PRKCZ: variants seen among roughly 807,000 people sequenced by gnomAD.
The protein encoded by PRKCZ is protein kinase C zeta type.
PRKCZ carries 33 observed loss-of-function variants against 79.5 expected under a neutral mutation model. The observed-to-expected ratio is 0.41, with a 90% CI of 0.31 to 0.55. The LOEUF is 0.55. Among genes scored for constraint, PRKCZ ranks in the 20% least tolerant of loss-of-function variants. The pLI is 0.19. For synonymous variants in PRKCZ, 342 were observed against 320.9 expected (o/e 1.07, Z -0.70); for missense variants, 578 against 813.5 (o/e 0.71, Z 3.52).
chr1:2,102,199 C>T (rs1012824204), intron 4 of PRKCZ, among the ~76,000 whole-genome samples: 3 of 151,494 alleles, frequency 2.0e-5, no homozygotes, highest in African/African-American at 4.8e-5. Context: ...CCCCGACCTC[C>T]ACACCAGTTC....
chr1:2,142,609 G>A (rs1190090303), intron 5 of PRKCZ: 2 of 223,412 alleles, frequency 9.0e-6, no homozygotes, highest in South Asian at 4.7e-5. Context: ...TAGAGCCCAC[G>A]GTCCTGGTGT....
intron 4 of PRKCZ, among the ~76,000 whole-genome samples, chr1:2,101,915 G>A (rs1057285904): frequency 1.3e-5 from 2 of 152,228 alleles, no homozygotes; most frequent in Non-Finnish European, 2.9e-5. Context: ...TAACAGATAT[G>A]TAGCAGATAT....
chr1:2,185,135 C>T lies in PRKCZ; in HGVS notation c.*126C>T, dbSNP rs1330746355. On this transcript the variant is annotated 3_prime_UTR_variant, in exon 18 of 18. Transcript: ENST00000378567. ...CCAGGGACAGACGCTTGCGCCGAGA[C>T]CGCAGAGGGAAGCGTCAGCGGGCGC... 13 of 933,182 alleles carry T rather than the reference C, an allele frequency of 1.4e-5. No individual in the cohort carries two copies. The highest frequency in any genetic ancestry group is 5.3e-5 in the East Asian group (2 of 38,090). 57.8% of individuals were successfully genotyped at this position (933,182 alleles called of 1,614,324 possible).
Position 2,171,972 on chromosome 1 carries a change from G to A in PRKCZ, c.1062-83G>A, listed in dbSNP as rs539452215. ...ATGCCGGGCCCGTGGTGGGGCAAAC[G>A]GGAGTGTGTGGCCCCCAGGCTGGAG... is the stretch of plus-strand genomic sequence containing the variant. On this transcript the variant is annotated intron_variant, in intron 11 of 17. Coordinates refer to ENST00000378567, the MANE Select transcript of PRKCZ (RefSeq NM_002744.6). The A allele has an allele frequency of 2.1e-5, 31 of 1,485,350 alleles. No homozygotes were observed. In the South Asian group the frequency reaches 2.1e-4, roughly 10 times the overall value. 92.0% of individuals were successfully genotyped at this position (1,485,350 alleles called of 1,614,324 possible). A position where few individuals can be genotyped will look rare whatever the true frequency, so the allele number is the denominator to read the frequency against.
intron 9 of PRKCZ, among the ~76,000 whole-genome samples, chr1:2,154,311 C>T (rs192656110): frequency 1.3e-5 from 2 of 152,184 alleles, no homozygotes; most frequent in Admixed American, 1.3e-4. Context: ...CAGGGAGAGG[C>T]CGGGCTGGGA....
At chr1:2,153,147 T>C (rs956672634) in intron 9 of PRKCZ, among the ~76,000 whole-genome samples, 19 of 152,336 alleles carry the variant, frequency 1.2e-4, no homozygotes, top group Admixed American at 1.1e-3. Context: ...CGCGTGTGAT[T>C]GTGATGATCG....
intron 3 of PRKCZ, among the ~76,000 whole-genome samples, chr1:2,058,446 C>T (rs182678837): frequency 1.4e-3 from 209 of 151,966 alleles, no homozygotes; most frequent in African/African-American, 4.8e-3. Flanking sequence ...CCACTGCACT[C>T]TAGCCTGAGT....
At chr1:2,089,358 TC>T (rs1423720541) in intron 4 of PRKCZ, among the ~76,000 whole-genome samples, 1 of 152,170 alleles carries the variant, frequency 6.6e-6, no homozygotes, top group Non-Finnish European at 1.5e-5. Context: ...GACAGAGACT[TC>T]CAGGAGGCAG....
intron 4 of PRKCZ, among the ~76,000 whole-genome samples, chr1:2,070,703 G>A (rs1661494275): frequency 6.6e-6 from 1 of 151,718 alleles, no homozygotes; most frequent in Non-Finnish European, 1.5e-5. Context: ...GGCCGTGGAG[G>A]GGCCCTTCCT....
At chr1:2,169,834 C>T (rs1248296059) in intron 11 of PRKCZ, among the ~76,000 whole-genome samples, 4 of 150,934 alleles carry the variant, frequency 2.7e-5, no homozygotes, top group African/African-American at 9.8e-5. Context: ...GGCCGGGGAC[C>T]TTCTCCAGGG....
intron 11 of PRKCZ, among the ~76,000 whole-genome samples, chr1:2,171,126 C>T (rs1352442097): frequency 6.6e-6 from 1 of 151,956 alleles, no homozygotes; most frequent in African/African-American, 2.4e-5. Flanking sequence ...GTCAGGAGAT[C>T]GAGACCATCC....
intron 4 of PRKCZ, among the ~76,000 whole-genome samples, chr1:2,092,924 C>T (rs998137804): frequency 6.6e-6 from 1 of 152,182 alleles, no homozygotes; most frequent in Non-Finnish European, 1.5e-5. Flanking sequence ...ACATCTCTTG[C>T]CTTCAGCATA....
At chr1:2,059,376 C>A (rs1878744) in intron 3 of PRKCZ, among the ~76,000 whole-genome samples, 165 bp from the exon 4 acceptor site, 1 of 152,164 alleles carries the variant, frequency 6.6e-6, no homozygotes, top group African/African-American at 2.4e-5. Flanking sequence ...CCTACGTAGA[C>A]GCACGGGGTT....
rs1338958206 is a variant in PRKCZ at position 2,177,379 on chromosome 1, A to T, written c.1575+2066A>T. 6.6e-6 allele frequency among the ~76,000 whole-genome samples: 1 copy of T among 151,956 alleles called. No individual in the cohort carries two copies. The highest frequency in any genetic ancestry group is 1.5e-5 in the Non-Finnish European group (1 of 67,982). ...GTGCCTTTCCCACCCTCTCTCTTCC[A>T]AGCCCACCACCGTATGGGGCCCACC... On this transcript the variant is annotated intron_variant, in intron 16 of 17. Transcript: ENST00000378567. The surrounding 1 kb of genome is among the most constrained non-coding windows in gnomAD (Gnocchi z 6.4).
At position 2,166,663 on chromosome 1, in the gene PRKCZ, G is replaced by A. The variant is rs909604266; in HGVS notation, c.975-2855G>A. The stretch of plus-strand genomic sequence containing the variant: ...GCGAGTGTGGCTACCAGGACACGGA[G>A]GGGCAGCCTCAGCCCCCCCCAGGCC... On this transcript the variant is annotated intron_variant, in intron 10 of 17. Transcript: ENST00000378567. Among the ~76,000 whole-genome samples the A allele has an allele frequency of 1.1e-4, 16 of 151,714 alleles. No individual in the cohort carries two copies. The South Asian group carries it at 1.5e-3, about 14-fold the overall frequency.
chr1:2,166,778 G>A (rs1683414141), intron 10 of PRKCZ, among the ~76,000 whole-genome samples: 1 of 152,236 alleles, frequency 6.6e-6, no homozygotes, highest in South Asian at 2.1e-4. Context: ...GCATCCCTTG[G>A]GGTCAGGACT....
intron 4 of PRKCZ, among the ~76,000 whole-genome samples, chr1:2,086,055 CTT>C (rs34459015): frequency 0.11 from 14,479 of 137,242 alleles, 2,454 homozygotes; most frequent in African/African-American, 0.36. Flanking sequence ...TATTATCATC[CTT>C]TTTTTTTTTT....
chr1:2,103,163 G>A (rs1459211331), intron 4 of PRKCZ, among the ~76,000 whole-genome samples: 1 of 152,148 alleles, frequency 6.6e-6, no homozygotes, highest in African/African-American at 2.4e-5. Context: ...AGACTGTGGG[G>A]TTTTTGGGGG....
chr1:2,166,788 T>A (rs1159245393), intron 10 of PRKCZ, among the ~76,000 whole-genome samples: 1 of 152,196 alleles, frequency 6.6e-6, no homozygotes, highest in Non-Finnish European at 1.5e-5. Flanking sequence ...GGGTCAGGAC[T>A]GTGTGTGTCA....
Sources: allele counts gnomAD v4.1 joint callset (sites outside exome capture counted in the v4.1 genomes callset), GRCh38; gene constraint gnomAD v4.1.1; non-coding constraint Gnocchi (gnomAD v3.1); transcripts MANE v1.5; gene names NCBI Gene and HGNC (gene_info 2026-07-23, HGNC 2026-07-21).